The following ADAM23 variants were observed in gnomAD, a reference collection of about 807,000 sequenced individuals.
ADAM23 encodes ADAM metallopeptidase domain 23, also known as disintegrin and metalloproteinase domain-containing protein 23.
In ADAM23, 33 loss-of-function variants were observed where a neutral mutation model predicts 120.1. The observed-to-expected ratio is 0.27, with a 90% confidence interval of 0.21 to 0.37. The LOEUF (loss-of-function observed/expected upper bound fraction) is 0.37. ADAM23 is among the 10% of genes least tolerant of loss of function. ADAM23 has a pLI of 1.00. For missense variants in ADAM23, 862 were observed against 1,058.2 expected, an observed-to-expected ratio of 0.81 and a Z score of 2.57; for synonymous variants, 367 against 375.2, an observed-to-expected ratio of 0.98 and a Z score of 0.25.
chr2:206,471,928 T>C (rs1005896215), intron 2 of ADAM23, among the ~76,000 whole-genome samples: 6 of 152,262 alleles, frequency 3.9e-5, no homozygotes, highest in African/African-American at 1.4e-4. Flanking sequence ...ATACTTGTGC[T>C]GCTTTACCCA....
At chr2:206,612,572 A>G (rs1698846187) in intron 25 of ADAM23, among the ~76,000 whole-genome samples, 1 of 152,130 alleles carries the variant, frequency 6.6e-6, no homozygotes, top group Non-Finnish European at 1.5e-5. Flanking sequence ...AAATACAGTA[A>G]CTACTCAGGG....
chr2:206,566,696 A>G (rs1697890198), intron 14 of ADAM23, among the ~76,000 whole-genome samples: 1 of 152,182 alleles, frequency 6.6e-6, no homozygotes, highest in African/African-American at 2.4e-5. Flanking sequence ...GTGCATATAC[A>G]TATATGATCT....
chr2:206,462,586 CTG>C (rs2105860826), intron 2 of ADAM23, among the ~76,000 whole-genome samples: 1 of 152,226 alleles, frequency 6.6e-6, no homozygotes, highest in South Asian at 2.1e-4. Context: ...GGTTAGAATT[CTG>C]TGTTCAGTTG....
chr2:206,567,835 C>T lies in ADAM23; in HGVS notation c.1494+513C>T, dbSNP rs1340910207. On this transcript the variant is annotated intron_variant, in intron 15 of 25. Coordinates refer to ENST00000264377, the MANE Select transcript of ADAM23 (RefSeq NM_003812.4). Reference sequence around the variant, plus strand: ...CACATTTCCACATGGCTAGGGAGGCCTCAGGAAACTTATAATCATGGTAGA... The same window carrying T: ...CACATTTCCACATGGCTAGGGAGGCTTCAGGAAACTTATAATCATGGTAGA... 2.0e-5 allele frequency among the ~76,000 whole-genome samples: 3 copies of T among 152,118 alleles called. No homozygotes were observed. In the East Asian group the frequency reaches 5.8e-4, roughly 29 times the overall value.
At chr2:206,517,058 A>G (rs1696748951) in intron 3 of ADAM23, among the ~76,000 whole-genome samples, 1 of 152,162 alleles carries the variant, frequency 6.6e-6, no homozygotes, top group African/African-American at 2.4e-5. Flanking sequence ...ATAAAAAAAC[A>G]CGCTCGTACA....
chr2:206,522,687 G>A (rs759727958), intron 3 of ADAM23, among the ~76,000 whole-genome samples: 1 of 152,136 alleles, frequency 6.6e-6, no homozygotes, highest in Non-Finnish European at 1.5e-5. Flanking sequence ...ATTAGCAATA[G>A]TCACCAACTA....
chr2:206,517,839 A>G (rs1433888650), intron 3 of ADAM23, among the ~76,000 whole-genome samples: 2 of 152,202 alleles, frequency 1.3e-5, no homozygotes, highest in African/African-American at 4.8e-5. Flanking sequence ...GACCATATAC[A>G]GTTAATGCTA....
intron 3 of ADAM23, among the ~76,000 whole-genome samples, chr2:206,506,779 C>T (rs182586639): frequency 6.6e-6 from 1 of 152,154 alleles, no homozygotes; most frequent in Non-Finnish European, 1.5e-5. Context: ...CTCTGCTGTT[C>T]ACAAAACAAT....
At chr2:206,454,898 T>C (rs1238328671) in intron 2 of ADAM23, among the ~76,000 whole-genome samples, 1 of 152,218 alleles carries the variant, frequency 6.6e-6, no homozygotes, top group Admixed American at 6.5e-5. Flanking sequence ...ACAGCCTCTG[T>C]GGCTGCTTTC....
intron 3 of ADAM23, among the ~76,000 whole-genome samples, chr2:206,510,138 A>G (rs1339101563): frequency 6.6e-6 from 1 of 152,222 alleles, no homozygotes; most frequent in South Asian, 2.1e-4. Flanking sequence ...TATACTGTGC[A>G]TGAAATCACA....
At chr2:206,600,573 C>T (rs1003804793) in intron 24 of ADAM23, among the ~76,000 whole-genome samples, 4 of 152,130 alleles carry the variant, frequency 2.6e-5, no homozygotes, top group Non-Finnish European at 4.4e-5. Flanking sequence ...TCTATGACTC[C>T]GTCTTCACTG....
rs145797531 is a variant in ADAM23 at position 206,491,536 on chromosome 2, A to C, written c.509+10228A>C. On this transcript the variant is annotated intron_variant, in intron 3 of 25. Transcript: ENST00000264377. ...CCCAATGCAGAATGTGGGCAAATAA[A>C]ATCTGAACTTGACTCATTTTTTCAG... Among the ~76,000 whole-genome samples the C allele has an allele frequency of 2.0e-3, 311 of 152,270 alleles. 1 individual carries two copies. The highest frequency in any genetic ancestry group is 3.2e-3 in the Non-Finnish European group (221 of 68,024).
At chr2:206,559,797 G>T (rs1011115214) in intron 10 of ADAM23, among the ~76,000 whole-genome samples, 158 bp from the exon 11 acceptor site, 1 of 151,992 alleles carries the variant, frequency 6.6e-6, no homozygotes, top group Non-Finnish European at 1.5e-5. Context: ...TTTGCTCTTG[G>T]AAAAAAGAAA....
At chr2:206,567,186 G>T (rs1415116950) in intron 14 of ADAM23, 37 bp from the exon 15 acceptor site, 11 of 1,489,734 alleles carry the variant, frequency 7.4e-6, no homozygotes, top group Non-Finnish European at 1.0e-5. Flanking sequence ...ATTGCTTTTG[G>T]TAAATTATTT....
chr2:206,572,525 T>C (rs1176373693), intron 17 of ADAM23, among the ~76,000 whole-genome samples: 1 of 152,228 alleles, frequency 6.6e-6, no homozygotes, highest in Non-Finnish European at 1.5e-5. Flanking sequence ...TATTTCTCCT[T>C]GCTTCATGTC....
chr2:206,557,480 G>A lies in ADAM23; in HGVS notation c.987G>A (p.Val329=). ...HAHTNNFAKS[V]VNLVDSIYKE... is the part of the protein sequence containing the mutation. ...ATACCAACAACTTTGCAAAGTCCGT[G>A]GTCAACCTTGTGGATTCTGTAAGTA... is the stretch of plus-strand genomic sequence containing the variant. Residue 329 remains valine, a synonymous_variant, in exon 10 of 26, where the codon GTG becomes GTA. Coordinates refer to ENST00000264377, the MANE Select transcript of ADAM23 (RefSeq NM_003812.4). The A allele has an allele frequency of 6.2e-7, 1 of 1,613,198 alleles. No individual in the cohort carries two copies. Among genetic ancestry groups the A allele is most frequent in the Non-Finnish European group, 8.5e-7 (1 of 1,179,282 alleles).
intron 9 of ADAM23, among the ~76,000 whole-genome samples, chr2:206,557,024 T>A (rs1299731728): frequency 6.6e-6 from 1 of 152,198 alleles, no homozygotes; most frequent in Non-Finnish European, 1.5e-5. Flanking sequence ...ACTTTTTAGG[T>A]ATAAAGCTTC....
At chr2:206,476,373 TC>T (rs1695775574) in intron 2 of ADAM23, among the ~76,000 whole-genome samples, 1 of 152,166 alleles carries the variant, frequency 6.6e-6, no homozygotes, top group Admixed American at 6.5e-5. Context: ...GTCCCCAACT[TC>T]CAGGTCACAT....
chr2:206,619,704 A>G lies in ADAM23; in HGVS notation c.*2077A>G, dbSNP rs1294226063. ...AACACAGTGGGGTTTTTTTCCCCCG[A>G]GGTGTCTTTAACTGGGGAAGTACCA... On this transcript the variant is annotated 3_prime_UTR_variant, in exon 26 of 26. Coordinates refer to ENST00000264377, the MANE Select transcript of ADAM23 (RefSeq NM_003812.4). 1 of 152,132 alleles carries G rather than the reference A, an allele frequency of 6.6e-6. No individual in the cohort carries two copies. Among genetic ancestry groups the G allele is most frequent in the Non-Finnish European group, 1.5e-5 (1 of 68,016 alleles). 9.4% of individuals were successfully genotyped at this position (152,132 alleles called of 1,614,324 possible).
Sources: allele counts gnomAD v4.1 joint callset (sites outside exome capture counted in the v4.1 genomes callset), GRCh38; gene constraint gnomAD v4.1.1; transcripts MANE v1.5; gene names NCBI Gene and HGNC (gene_info 2026-07-23, HGNC 2026-07-21).